Variants in NRXN1 observed in about 807,000 individuals in gnomAD.
The protein encoded by NRXN1 is neurexin-1.
In NRXN1, 39 loss-of-function variants were observed where a neutral mutation model predicts 150.9. That is an observed-to-expected ratio of 0.26 (90% confidence interval 0.20 to 0.34). The LOEUF (loss-of-function observed/expected upper bound fraction) is 0.34. Ranked by LOEUF, NRXN1 falls within the 10% of genes least tolerant of loss-of-function variation. The pLI is 1.00. For missense variants in NRXN1, 1,815 were observed against 1,949.9 expected (o/e 0.93, Z 1.30); for synonymous variants, 924 against 757.0 (o/e 1.22, Z -3.62).
chr2:50,905,662 T>A (rs895940857), intron 5 of NRXN1, among the ~76,000 whole-genome samples: 5 of 152,090 alleles, frequency 3.3e-5, no homozygotes, highest in Admixed American at 3.3e-4. Context: ...TCATTTCTCA[T>A]CTCTTCCCTG....
At chr2:50,015,108 G>C (rs1307328305) in intron 21 of NRXN1, among the ~76,000 whole-genome samples, 1 of 151,918 alleles carries the variant, frequency 6.6e-6, no homozygotes, top group Non-Finnish European at 1.5e-5. Flanking sequence ...TTTCTTCTAG[G>C]CTTTGGCTGG....
chr2:50,224,184 C>G (rs1253927639), intron 18 of NRXN1, among the ~76,000 whole-genome samples: 1 of 151,920 alleles, frequency 6.6e-6, no homozygotes, highest in African/African-American at 2.4e-5. Context: ...ATTTTATAAT[C>G]ATTTGCAAAA....
At chr2:50,897,900 A>G (rs949391129) in intron 5 of NRXN1, among the ~76,000 whole-genome samples, 1 of 152,102 alleles carries the variant, frequency 6.6e-6, no homozygotes, top group Non-Finnish European at 1.5e-5. Flanking sequence ...TATTTACTGT[A>G]TTCCTCCATA....
chr2:50,971,530 C>T (rs1575091357), intron 2 of NRXN1, among the ~76,000 whole-genome samples: 1 of 151,908 alleles, frequency 6.6e-6, no homozygotes, highest in East Asian at 1.9e-4. Flanking sequence ...TTGCGGTGAG[C>T]CGAGATTGTG....
At chr2:50,043,563 T>C (rs1281768960) in intron 21 of NRXN1, among the ~76,000 whole-genome samples, 1 of 152,190 alleles carries the variant, frequency 6.6e-6, no homozygotes, top group Non-Finnish European at 1.5e-5. Context: ...ATATTCCCTT[T>C]GGATCCATGA....
At chr2:50,490,515 C>G (rs2091189180) in intron 15 of NRXN1, among the ~76,000 whole-genome samples, 1 of 152,176 alleles carries the variant, frequency 6.6e-6, no homozygotes, top group Non-Finnish European at 1.5e-5. Flanking sequence ...CAGGTCCACA[C>G]ACTGTATTAA....
At chr2:50,402,598 T>C (rs2082464899) in intron 17 of NRXN1, among the ~76,000 whole-genome samples, 1 of 152,244 alleles carries the variant, frequency 6.6e-6, no homozygotes, top group African/African-American at 2.4e-5. Flanking sequence ...TCAAACCTCT[T>C]GGTTAGGCCA....
chr2:49,970,011 T>C (rs1239178533), intron 21 of NRXN1: 2 of 152,088 alleles, frequency 1.3e-5, no homozygotes, highest in Non-Finnish European at 2.9e-5. Flanking sequence ...GCAGAACTAA[T>C]TTCTTTCGGG....
At chr2:50,232,685 AT>A (rs1188107399) in intron 18 of NRXN1, among the ~76,000 whole-genome samples, 2 of 151,768 alleles carry the variant, frequency 1.3e-5, no homozygotes, top group South Asian at 4.2e-4. Flanking sequence ...GAGCCCGGCT[AT>A]TTTTCTTATT....
intron 17 of NRXN1, among the ~76,000 whole-genome samples, chr2:50,267,178 A>G (rs888084212): frequency 5.9e-5 from 9 of 152,214 alleles, no homozygotes; most frequent in African/African-American, 2.2e-4. Flanking sequence ...TAAGAAAGGT[A>G]CAAGGAAAAG....
intron 5 of NRXN1, among the ~76,000 whole-genome samples, chr2:50,899,234 A>T (rs568333371): frequency 2.7e-4 from 41 of 152,338 alleles, no homozygotes; most frequent in Non-Finnish European, 5.1e-4. Flanking sequence ...AATAATTTGA[A>T]TTAGCCGGAT....
chr2:50,830,521 T>C (rs1315462839), intron 5 of NRXN1, among the ~76,000 whole-genome samples: 1 of 151,600 alleles, frequency 6.6e-6, no homozygotes. Flanking sequence ...CTGCATCATA[T>C]ACTATCTACT....
intron 13 of NRXN1, among the ~76,000 whole-genome samples, chr2:50,502,149 T>C (rs1033093238): frequency 6.6e-6 from 1 of 151,846 alleles, no homozygotes; most frequent in Non-Finnish European, 1.5e-5. Context: ...ATTATTCTTA[T>C]GAATTGTTGG....
intron 2 of NRXN1, among the ~76,000 whole-genome samples, chr2:50,954,858 T>C (rs1363067366): frequency 6.6e-6 from 1 of 152,178 alleles, no homozygotes; most frequent in African/African-American, 2.4e-5. Context: ...AGAGACTTGA[T>C]GGTATCACCA....
chr2:50,297,811 AG>A (rs2073761683), intron 17 of NRXN1, among the ~76,000 whole-genome samples: 1 of 152,182 alleles, frequency 6.6e-6, no homozygotes, highest in Non-Finnish European at 1.5e-5. Flanking sequence ...CTTAGTGTTG[AG>A]GAAGTCTTTC....
intron 18 of NRXN1, among the ~76,000 whole-genome samples, chr2:50,140,667 CTCTTT>C (rs1707141700): frequency 6.9e-6 from 1 of 145,552 alleles, no homozygotes; most frequent in East Asian, 2.3e-4. Flanking sequence ...TTTTTTCTCT[CTCTTT>C]TTTTTTTTTA....
chr2:50,116,925 C>G (rs1464635632), intron 18 of NRXN1, among the ~76,000 whole-genome samples: 2 of 152,084 alleles, frequency 1.3e-5, no homozygotes, highest in African/African-American at 4.8e-5. Flanking sequence ...TTAAAAATCC[C>G]TGCACCTTCC....
intron 5 of NRXN1, chr2:50,919,186 T>G (rs1206765024): frequency 6.6e-6 from 1 of 151,692 alleles, no homozygotes; most frequent in Non-Finnish European, 1.5e-5. Flanking sequence ...GACTTCGCCA[T>G]TTTTGTCATG....
chr2:50,329,740 C>G (rs2076709907), intron 17 of NRXN1, among the ~76,000 whole-genome samples: 1 of 143,896 alleles, frequency 6.9e-6, no homozygotes, highest in Non-Finnish European at 1.5e-5. Flanking sequence ...GTGGAGCAAC[C>G]TCGGCTCACT....
Sources: allele counts gnomAD v4.1 joint callset (sites outside exome capture counted in the v4.1 genomes callset), GRCh38; gene constraint gnomAD v4.1.1; transcripts MANE v1.5; gene names NCBI Gene and HGNC (gene_info 2026-07-23, HGNC 2026-07-21).